The following ARHGAP10 variants were observed in gnomAD, a reference collection of about 807,000 sequenced individuals.
ARHGAP10 encodes the protein Rho GTPase activating protein 10.
Under a neutral mutation model 108.6 loss-of-function variants are expected in ARHGAP10, and 87 were observed. The observed-to-expected ratio is 0.80, with a 90% CI of 0.67 to 0.96. The LOEUF (loss-of-function observed/expected upper bound fraction) is 0.96, where lower values mean the gene tolerates loss of function less well. Among genes scored for constraint, ARHGAP10 ranks in the 40% least tolerant of loss-of-function variants. The pLI, the probability that ARHGAP10 is intolerant of heterozygous loss-of-function variation, is 0.00. For synonymous variants in ARHGAP10, 347 were observed against 341.1 expected (o/e 1.02, Z -0.19); for missense variants, 939 against 954.5 (o/e 0.98, Z 0.21).
intron 13 of ARHGAP10, among the ~76,000 whole-genome samples, chr4:147,920,614 T>C (rs1403110582): frequency 1.4e-5 from 2 of 146,000 alleles, no homozygotes; most frequent in African/African-American, 2.4e-5. Context: ...TCTAGGCCTC[T>C]GGGATACGTG....
At position 147,894,166 on chromosome 4, in the gene ARHGAP10, T is replaced by C. The variant is rs189652090; in HGVS notation, c.1034+12234T>C. ...GGGTGTGGGAATTGCTGGGGTATGG[T>C]ATATGTATGTTTGACTTCTCAGGCA... On this transcript the variant is annotated intron_variant, in intron 10 of 22. Coordinates refer to ENST00000336498, the MANE Select transcript of ARHGAP10 (RefSeq NM_024605.4). 2.8e-4 allele frequency among the ~76,000 whole-genome samples: 42 copies of C among 152,240 alleles called. 1 individual carries two copies. The highest frequency in any genetic ancestry group is 8.7e-4 in the African/African-American group (36 of 41,552).
At chr4:148,023,850 T>G (rs975509227) in intron 19 of ARHGAP10, among the ~76,000 whole-genome samples, 141 of 152,370 alleles carry the variant, frequency 9.3e-4, no homozygotes, top group African/African-American at 2.3e-3. Flanking sequence ...CCCATTTTTC[T>G]GACTTGTTCA....
chr4:148,054,260 T>C (rs1396653730), intron 20 of ARHGAP10, among the ~76,000 whole-genome samples: 1 of 152,244 alleles, frequency 6.6e-6, no homozygotes, highest in Non-Finnish European at 1.5e-5. Context: ...TCCACGTTCT[T>C]TTTCTTACAA....
chr4:147,982,597 C>T (rs1355711918), intron 18 of ARHGAP10, among the ~76,000 whole-genome samples: 1 of 129,390 alleles, frequency 7.7e-6, no homozygotes, highest in Non-Finnish European at 1.5e-5. Context: ...GATGGGGTCT[C>T]CCTATGTTGC....
chr4:148,049,486 A>G (rs1415180223), intron 20 of ARHGAP10, among the ~76,000 whole-genome samples: 1 of 152,086 alleles, frequency 6.6e-6, no homozygotes, highest in African/African-American at 2.4e-5. Context: ...TGCTTCCCAC[A>G]TGGTCTGGTT....
In ARHGAP10 at chr4:147,881,914, A is replaced by T. The variant is rs1487095410; in HGVS notation, c.1016A>T (p.Asp339Val). The T allele has an allele frequency of 6.2e-7, 1 of 1,614,120 alleles. No homozygotes were observed. The highest frequency in any genetic ancestry group is 8.5e-7 in the Non-Finnish European group (1 of 1,179,982). The change falls in exon 10 of 23, where the codon GAC (aspartate) becomes GTC (valine). Residue 339 changes from aspartate to valine, a missense_variant. By Grantham distance (152) the Asp-to-Val change is radical. Coordinates refer to ENST00000336498, the MANE Select transcript of ARHGAP10 (RefSeq NM_024605.4). The stretch of plus-strand genomic sequence containing the variant: ...TCCATTGACAGAAGGTTTTGTTTTG[A>T]CATAGAAGCTGCTGATCGGTAAGTT... ...TDSIDRRFCFDIEAADRPGVS... is the reference protein window; with the variant it reads ...TDSIDRRFCFVIEAADRPGVS...
At chr4:147,800,441 C>G (rs1036177115) in intron 1 of ARHGAP10, among the ~76,000 whole-genome samples, 3 of 152,096 alleles carry the variant, frequency 2.0e-5, no homozygotes, top group African/African-American at 7.2e-5. Flanking sequence ...TCGAGGCTCC[C>G]CTAGTTATTG....
chr4:148,048,231 A>G (rs1728973417), intron 20 of ARHGAP10, among the ~76,000 whole-genome samples: 1 of 152,206 alleles, frequency 6.6e-6, no homozygotes, highest in Non-Finnish European at 1.5e-5. Flanking sequence ...CTTTAAATGG[A>G]CTGGAAAGTG....
At chr4:147,751,904 T>C (rs1729167609) in intron 1 of ARHGAP10, among the ~76,000 whole-genome samples, 1 of 150,172 alleles carries the variant, frequency 6.7e-6, no homozygotes, top group African/African-American at 2.5e-5. Flanking sequence ...TTTTTTTTTT[T>C]AAGATGGAGT....
rs761343076 is a variant in ARHGAP10, at chr4:147,946,597, C to G, written c.1304-20C>G. 6.2e-7 allele frequency: 1 copy of G among 1,601,236 alleles called. No homozygotes were observed. Among genetic ancestry groups the G allele is most frequent in the Admixed American group, 1.7e-5 (1 of 57,868 alleles). The stretch of plus-strand genomic sequence containing the variant: ...TGATCAAGGTTTTAATTATTTTTTT[C>G]TTGTTTGCTTGCTCACTAGATGTAA... On this transcript the variant is annotated intron_variant, in intron 14 of 22. Coordinates refer to ENST00000336498, the MANE Select transcript of ARHGAP10 (RefSeq NM_024605.4).
At chr4:147,846,256 T>A (rs1175815757) in intron 3 of ARHGAP10, among the ~76,000 whole-genome samples, 1 of 152,174 alleles carries the variant, frequency 6.6e-6, no homozygotes, top group African/African-American at 2.4e-5. Context: ...ACATTAAGAA[T>A]CTTTTCCTAT....
chr4:147,808,388 G>T (rs1402367150), intron 1 of ARHGAP10, among the ~76,000 whole-genome samples: 1 of 152,114 alleles, frequency 6.6e-6, no homozygotes, highest in African/African-American at 2.4e-5. Context: ...TAGCTTAGGG[G>T]TTGATGAGGC....
intron 10 of ARHGAP10, among the ~76,000 whole-genome samples, chr4:147,890,276 C>T (rs1735747140): frequency 8.6e-6 from 1 of 116,260 alleles, no homozygotes; most frequent in Non-Finnish European, 2.0e-5. Flanking sequence ...GGGCGGAGCT[C>T]AGCTAGCCAT....
chr4:147,840,690 G>C (rs1383469244), intron 3 of ARHGAP10, among the ~76,000 whole-genome samples: 2 of 152,122 alleles, frequency 1.3e-5, no homozygotes, highest in Non-Finnish European at 2.9e-5. Context: ...CATGTGACCT[G>C]TTCTCGAGAC....
intron 18 of ARHGAP10, among the ~76,000 whole-genome samples, chr4:147,978,858 CTTCTT>C (rs1739704788): frequency 6.6e-6 from 1 of 152,126 alleles, no homozygotes. Context: ...ATTTGTCCGT[CTTCTT>C]TTGAGATGTG....
Position 147,784,706 on chromosome 4 carries a change from A to C in ARHGAP10, c.155-38021A>C, listed in dbSNP as rs1347598535. On this transcript the variant is annotated intron_variant, in intron 1 of 22. Transcript: ENST00000336498. ...ATATAAAATATATATTATAAAATAT[A>C]TATTATAAATATAATATATTATAAA... Among the ~76,000 whole-genome samples the C allele has an allele frequency of 1.5e-4, 13 of 85,902 alleles. 2 individuals carry two copies. Among genetic ancestry groups the C allele is most frequent in the African/African-American group, 5.3e-4 (12 of 22,596 alleles). 56.4% of individuals were successfully genotyped at this position (85,902 alleles called of 152,430 possible).
At chr4:147,817,976 G>A (rs1312028942) in intron 1 of ARHGAP10, among the ~76,000 whole-genome samples, 1 of 152,142 alleles carries the variant, frequency 6.6e-6, no homozygotes, top group East Asian at 1.9e-4. Context: ...TGGGCAAAAG[G>A]ACCTGGGAAT....
intron 1 of ARHGAP10, among the ~76,000 whole-genome samples, chr4:147,798,659 C>T (rs1473255410): frequency 6.6e-6 from 1 of 151,110 alleles, no homozygotes; most frequent in Non-Finnish European, 1.5e-5. Context: ...CAGTGGCTCA[C>T]GCCTGTAATC....
chr4:147,858,178 T>C (rs1734171075), intron 5 of ARHGAP10: 1 of 151,648 alleles, frequency 6.6e-6, no homozygotes, highest in Non-Finnish European at 1.5e-5. Context: ...ATTTATATTT[T>C]ATTTTTCATT....
Sources: allele counts gnomAD v4.1 joint callset (sites outside exome capture counted in the v4.1 genomes callset), GRCh38; gene constraint gnomAD v4.1.1; transcripts MANE v1.5; gene names NCBI Gene and HGNC (gene_info 2026-07-23, HGNC 2026-07-21).